ELAPOR2: variants seen among roughly 807,000 people sequenced by gnomAD.
ELAPOR2 encodes the protein endosome/lysosome-associated apoptosis and autophagy regulator family member 2.
In ELAPOR2, 89 loss-of-function variants were observed where a neutral mutation model predicts 120.7. The ratio of observed to expected loss-of-function variants is 0.74; its 90% CI spans 0.62 to 0.88. The LOEUF (loss-of-function observed/expected upper bound fraction) is 0.88, where lower values mean the gene tolerates loss of function less well. Ranked by LOEUF, ELAPOR2 falls within the 40% of genes least tolerant of loss-of-function variation. ELAPOR2 has a pLI of 0.00. For synonymous variants in ELAPOR2, 444 were observed against 444.9 expected (o/e 1.00, Z 0.03); for missense variants, 1,134 against 1,251.6 (o/e 0.91, Z 1.42).
At chr7:87,014,473 A>G (rs980720249) in intron 1 of ELAPOR2, among the ~76,000 whole-genome samples, 7 of 152,188 alleles carry the variant, frequency 4.6e-5, no homozygotes, top group African/African-American at 1.7e-4. Flanking sequence ...AGATGAAGCT[A>G]TAATACGAAG....
chr7:86,968,124 A>G (rs558889423), intron 1 of ELAPOR2, among the ~76,000 whole-genome samples: 2 of 152,214 alleles, frequency 1.3e-5, no homozygotes, highest in Non-Finnish European at 2.9e-5. Context: ...GGTACGATGT[A>G]TATTTTCCAA....
chr7:86,990,655 T>C (rs536559340), intron 1 of ELAPOR2, among the ~76,000 whole-genome samples: 1 of 152,308 alleles, frequency 6.6e-6, no homozygotes, highest in South Asian at 2.1e-4. Flanking sequence ...TAGCAGTTAC[T>C]CTTCTCAGGA....
At chr7:87,044,602 C>T (rs1794887953) in intron 1 of ELAPOR2, among the ~76,000 whole-genome samples, 1 of 151,270 alleles carries the variant, frequency 6.6e-6, no homozygotes, top group Admixed American at 6.6e-5. Context: ...ATACAAAAAT[C>T]AATTCAAGAT....
chr7:86,914,721 AC>A lies in ELAPOR2; in HGVS notation c.1731+1del. 1 of 1,600,016 alleles carries A rather than the reference AC, an allele frequency of 6.2e-7. No homozygotes were observed. Among genetic ancestry groups the A allele is most frequent in the Non-Finnish European group, 8.5e-7 (1 of 1,175,030 alleles). On this transcript the variant is annotated splice_donor_variant, in intron 13 of 21. Transcript: ENST00000450689. LOFTEE classifies it high-confidence loss of function. Reference sequence around the variant, plus strand: ...TTTTAAAAAAAAGTGCTTGGAACTTACATCTTGACCCTGATTAGTTCTCTGG... The same window carrying A: ...TTTTAAAAAAAAGTGCTTGGAACTTAATCTTGACCCTGATTAGTTCTCTGG...
intron 18 of ELAPOR2, among the ~76,000 whole-genome samples, chr7:86,902,399 C>G (rs1788766971): frequency 6.6e-6 from 1 of 152,154 alleles, no homozygotes; most frequent in Admixed American, 6.5e-5. Context: ...TGGTCTCAAA[C>G]TCCTGACCTC....
intron 20 of ELAPOR2, 60 bp downstream of exon 20, chr7:86,892,862 G>T: frequency 1.5e-6 from 2 of 1,372,412 alleles, no homozygotes; most frequent in Non-Finnish European, 1.9e-6. Flanking sequence ...ATCAAGTCTA[G>T]AATTTTCACA....
intron 3 of ELAPOR2, among the ~76,000 whole-genome samples, chr7:86,946,933 T>C (rs1791033867): frequency 6.6e-6 from 1 of 151,770 alleles, no homozygotes; most frequent in Non-Finnish European, 1.5e-5. Context: ...GAGATTAAAA[T>C]AAAGAAATTG....
chr7:86,980,616 A>G (rs1396280359), intron 1 of ELAPOR2, among the ~76,000 whole-genome samples: 1 of 151,860 alleles, frequency 6.6e-6, no homozygotes, highest in Admixed American at 6.6e-5. Context: ...GTTTCCTCAA[A>G]TTGTCTCCCA....
intron 8 of ELAPOR2, among the ~76,000 whole-genome samples, chr7:86,930,623 G>C (rs1246870715): frequency 6.6e-6 from 1 of 151,890 alleles, no homozygotes; most frequent in African/African-American, 2.4e-5. Flanking sequence ...TCTGTGATCC[G>C]CAGTTCACCT....
intron 1 of ELAPOR2, among the ~76,000 whole-genome samples, chr7:87,001,932 T>C (rs1793331484): frequency 6.6e-6 from 1 of 152,154 alleles, no homozygotes; most frequent in Admixed American, 6.5e-5. Context: ...TTATGAAAAA[T>C]GAAGCTCTAT....
intron 1 of ELAPOR2, among the ~76,000 whole-genome samples, chr7:86,996,841 T>G (rs529957605): frequency 6.6e-6 from 1 of 152,302 alleles, no homozygotes; most frequent in East Asian, 1.9e-4. Flanking sequence ...TGGCAAACAC[T>G]AATCTTTTTA....
chr7:86,936,430 C>T (rs1451590219), intron 8 of ELAPOR2, among the ~76,000 whole-genome samples: 2 of 152,004 alleles, frequency 1.3e-5, no homozygotes, highest in African/African-American at 2.4e-5. Context: ...AATGTTACCA[C>T]AAAAAATTTC....
chr7:86,917,003 G>C (rs1209711683), intron 12 of ELAPOR2, among the ~76,000 whole-genome samples: 3 of 98,878 alleles, frequency 3.0e-5, no homozygotes, highest in African/African-American at 1.3e-4. Context: ...ATGGGGTTTT[G>C]CCATGTTGCC....
intron 21 of ELAPOR2, among the ~76,000 whole-genome samples, chr7:86,884,840 T>C (rs1252085156): frequency 6.6e-6 from 1 of 152,132 alleles, no homozygotes; most frequent in Non-Finnish European, 1.5e-5. Context: ...GGTGGGCCAT[T>C]TTTGGGCTCA....
rs149113177 is a variant in ELAPOR2 at position 86,884,022 on chromosome 7, C to T, written c.3031-3492G>A. Among the ~76,000 whole-genome samples the T allele has an allele frequency of 2.3e-3, 345 of 152,058 alleles. 1 individual carries two copies. The highest frequency in any genetic ancestry group is 7.8e-3 in the African/African-American group (325 of 41,454). ...ATGGGTTGATGAAAGGATGGAGGGACGGATATGTAATAATACAAATATAAT... is the reference window on the plus strand; with the variant it reads ...ATGGGTTGATGAAAGGATGGAGGGATGGATATGTAATAATACAAATATAAT... On this transcript the variant is annotated intron_variant, in intron 21 of 21. Transcript: ENST00000450689.
At chr7:86,925,807 C>A in intron 9 of ELAPOR2, 151 bp from the exon 10 acceptor site, 1 of 685,578 alleles carries the variant, frequency 1.5e-6, no homozygotes. Context: ...GATGTACTAA[C>A]TTTTTCAAAA....
intron 1 of ELAPOR2, among the ~76,000 whole-genome samples, chr7:86,968,241 T>C (rs1156580094): frequency 6.6e-6 from 1 of 152,146 alleles, no homozygotes; most frequent in African/African-American, 2.4e-5. Flanking sequence ...CAAGTAAACA[T>C]TGAGCACTTA....
At chr7:87,011,095 G>A (rs747565950) in intron 1 of ELAPOR2, among the ~76,000 whole-genome samples, 3 of 151,450 alleles carry the variant, frequency 2.0e-5, no homozygotes, top group African/African-American at 4.8e-5. Flanking sequence ...GTGAAACCCC[G>A]TCTCCACTAA....
intron 1 of ELAPOR2, among the ~76,000 whole-genome samples, chr7:86,979,085 C>T (rs969267026): frequency 1.3e-5 from 2 of 151,620 alleles, no homozygotes; most frequent in Admixed American, 1.3e-4. Flanking sequence ...ACTTCAGTTA[C>T]CTGTATCACA....
Sources: gnomAD v4.1 joint callset for allele counts (sites outside exome capture counted in the v4.1 genomes callset) on GRCh38, gnomAD v4.1.1 for gene constraint, MANE v1.5 for transcripts, NCBI Gene and HGNC (gene_info 2026-07-23, HGNC 2026-07-21) for gene names.